The following PDE11A variants were observed in gnomAD, a reference collection of about 807,000 sequenced individuals.
The protein encoded by PDE11A is phosphodiesterase 11A.
In PDE11A, 100 loss-of-function variants were observed where a neutral mutation model predicts 100.5. The observed-to-expected ratio is 1.00, with a 90% CI of 0.85 to 1.18. The LOEUF is 1.18. Among genes scored for constraint, PDE11A ranks in the 50% most tolerant of loss-of-function variants. PDE11A has a pLI of 0.00. For missense variants in PDE11A, 1,141 were observed against 1,152.6 expected (o/e 0.99, Z 0.15); for synonymous variants, 381 against 420.8 (o/e 0.91, Z 1.16).
intron 16 of PDE11A, among the ~76,000 whole-genome samples, chr2:177,677,475 G>A (rs948978420): frequency 4.1e-4 from 63 of 152,160 alleles, no homozygotes; most frequent in African/African-American, 1.5e-3. Flanking sequence ...CTGAGAGGTA[G>A]GACGGGTAGA....
At chr2:177,709,578 G>T (rs1405460636) in intron 13 of PDE11A, among the ~76,000 whole-genome samples, 1 of 152,200 alleles carries the variant, frequency 6.6e-6, no homozygotes, top group Non-Finnish European at 1.5e-5. Context: ...ATGGTTCAAA[G>T]AAATGTATTC....
intron 2 of PDE11A, among the ~76,000 whole-genome samples, chr2:178,010,062 T>C (rs1386060974): frequency 6.6e-6 from 1 of 152,210 alleles, no homozygotes; most frequent in Non-Finnish European, 1.5e-5. Context: ...GGCTCATTTA[T>C]TGATAATAAG....
chr2:177,743,877 T>C (rs374725450), intron 10 of PDE11A, among the ~76,000 whole-genome samples: 6 of 152,276 alleles, frequency 3.9e-5, no homozygotes, highest in African/African-American at 9.6e-5. Context: ...AATGAGAGAA[T>C]GTGTGAGCAG....
intron 2 of PDE11A, among the ~76,000 whole-genome samples, chr2:177,979,027 T>A (rs371042443): frequency 1.5e-5 from 2 of 134,816 alleles, no homozygotes; most frequent in South Asian, 2.7e-4. Context: ...TGTATACATA[T>A]GTAACTAACC....
At position 177,863,916 on chromosome 2, in the gene PDE11A, G is replaced by T. The variant is rs138740111; in HGVS notation, c.1367+11943C>A. Among the ~76,000 whole-genome samples the T allele has an allele frequency of 7.3e-3, 1,103 of 152,062 alleles. 13 individuals are homozygous for T. The highest frequency in any genetic ancestry group is 0.025 in the African/African-American group (1,028 of 41,482). On this transcript the variant is annotated intron_variant, in intron 5 of 19. Transcript: ENST00000286063. ...ATATTCATTGCAGCATTATTCACAA[G>T]AGCAAACATATGGAAACAAGTAAGT...
chr2:177,906,131 T>A (rs1559000452), intron 2 of PDE11A, among the ~76,000 whole-genome samples: 1 of 152,070 alleles, frequency 6.6e-6, no homozygotes. Context: ...AAAGCATGTT[T>A]ATATCATAGA....
In PDE11A at chr2:178,104,865, T is replaced by C. The variant is rs184813438; in HGVS notation, c.-13-389A>G. Among the ~76,000 whole-genome samples, 259 of 152,304 alleles carry C rather than the reference T, an allele frequency of 1.7e-3. 1 individual carries two copies. Among genetic ancestry groups the C allele is most frequent in the Middle Eastern group, 0.01 (3 of 294 alleles). ...TGATGTAAAACATATAGGTCTAATT[T>C]TGCAACCCCTTATTTAAAAATAAGA... On this transcript the variant is annotated intron_variant, in intron 1 of 20. Transcript: ENST00000358450.
intron 1 of PDE11A, among the ~76,000 whole-genome samples, chr2:178,052,228 T>G (rs2086837987): frequency 2.0e-5 from 3 of 152,196 alleles, no homozygotes; most frequent in Admixed American, 1.3e-4. Context: ...ACTGCTCAAC[T>G]ACATGGAAAC....
At chr2:177,669,178 T>C (rs2080635180) in intron 18 of PDE11A, among the ~76,000 whole-genome samples, 1 of 152,232 alleles carries the variant, frequency 6.6e-6, no homozygotes, top group South Asian at 2.1e-4. Context: ...ACAGTGTTTC[T>C]ATTCTAAAGT....
intron 6 of PDE11A, among the ~76,000 whole-genome samples, chr2:177,822,893 A>C (rs73036082): frequency 0.024 from 3,595 of 152,216 alleles, 143 homozygotes; most frequent in African/African-American, 0.082. Flanking sequence ...TTGGTACATA[A>C]AAATACAATC....
At chr2:178,102,855 GATTA>G (rs2087576218) in intron 2 of PDE11A, among the ~76,000 whole-genome samples, 1 of 152,044 alleles carries the variant, frequency 6.6e-6, no homozygotes. Flanking sequence ...TTGCAGATGT[GATTA>G]ATTGAGATGA....
intron 19 of PDE11A, among the ~76,000 whole-genome samples, chr2:177,638,847 TC>T (rs2080094542): frequency 6.6e-6 from 1 of 152,220 alleles, no homozygotes; most frequent in Non-Finnish European, 1.5e-5. Flanking sequence ...TGGACTATTT[TC>T]CCCAGGCTGT....
chr2:177,892,234 C>A (rs1276279288), intron 4 of PDE11A, among the ~76,000 whole-genome samples: 2 of 152,050 alleles, frequency 1.3e-5, no homozygotes, highest in Non-Finnish European at 2.9e-5. Context: ...TTATATGAAT[C>A]ATAATTTTGC....
intron 9 of PDE11A, among the ~76,000 whole-genome samples, chr2:177,813,733 C>CTACT (rs1430805944): frequency 6.6e-6 from 1 of 151,946 alleles, no homozygotes; most frequent in Non-Finnish European, 1.5e-5. Flanking sequence ...AGGCCATGAA[C>CTACT]TACTTGTGCT....
At chr2:178,011,498 G>A (rs150916222) in intron 2 of PDE11A, among the ~76,000 whole-genome samples, 1 of 152,270 alleles carries the variant, frequency 6.6e-6, no homozygotes, top group African/African-American at 2.4e-5. Flanking sequence ...CATAGGGCGA[G>A]GTATAGGGGA....
chr2:177,629,293 G>T lies in PDE11A; in HGVS notation c.*114C>A. ...TGAAAGCCCAGGCATGCTTCCCAGT[G>T]CATCCTTGAGATGTTAGGTCTTTCT... On this transcript the variant is annotated 3_prime_UTR_variant, in exon 20 of 20. Coordinates refer to ENST00000286063, the MANE Select transcript of PDE11A (RefSeq NM_016953.4). 1.1e-6 allele frequency: 1 copy of T among 939,618 alleles called. No homozygotes were observed. The highest frequency in any genetic ancestry group is 1.8e-6 in the Non-Finnish European group (1 of 568,734). The allele number at this position is 939,618 out of a possible 1,614,324, so 58.2% of individuals were successfully genotyped here. A position where few individuals can be genotyped will look rare whatever the true frequency, so the allele number is the denominator to read the frequency against.
intron 1 of PDE11A, among the ~76,000 whole-genome samples, chr2:178,068,952 G>A (rs1363414892): frequency 6.6e-6 from 1 of 152,200 alleles, no homozygotes; most frequent in African/African-American, 2.4e-5. Flanking sequence ...TTCCTTGAAT[G>A]TAAACCTGGT....
At chr2:177,877,622 G>C (rs915075560) in intron 4 of PDE11A, among the ~76,000 whole-genome samples, 1 of 152,092 alleles carries the variant, frequency 6.6e-6, no homozygotes, top group African/African-American at 2.4e-5. Flanking sequence ...TTTCAGGGAG[G>C]GGATGGAAGA....
chr2:178,076,825 T>C (rs1458008681), upstream of PDE11A, among the ~76,000 whole-genome samples: 3 of 152,222 alleles, frequency 2.0e-5, no homozygotes, highest in South Asian at 2.1e-4. Flanking sequence ...TGCATTCAAC[T>C]GGCAGCTGGG....
Sources: allele counts gnomAD v4.1 joint callset (sites outside exome capture counted in the v4.1 genomes callset), GRCh38; gene constraint gnomAD v4.1.1; transcripts MANE v1.5; gene names NCBI Gene and HGNC (gene_info 2026-07-23, HGNC 2026-07-21).